XRRA1: variants seen among roughly 807,000 people sequenced by gnomAD.
XRRA1 encodes the protein X-ray radiation resistance-associated protein 1.
A neutral mutation model predicts 80.2 loss-of-function variants in XRRA1; 69 were observed. That is an observed-to-expected ratio of 0.86 (90% CI 0.71 to 1.05). The LOEUF (loss-of-function observed/expected upper bound fraction) is 1.05, where lower values mean the gene tolerates loss of function less well. Ranked by LOEUF, XRRA1 falls within the 50% of genes least tolerant of loss-of-function variation. The pLI, the probability that XRRA1 is intolerant of heterozygous loss-of-function variation, is 0.00. For missense variants in XRRA1, 967 were observed against 976.4 expected (o/e 0.99, Z 0.13); for synonymous variants, 348 against 389.9 (o/e 0.89, Z 1.27).
In XRRA1 at chr11:74,892,721, C is replaced by T. The variant is rs553312817; in HGVS notation, c.1003+13518G>A. 2.9e-3 allele frequency among the ~76,000 whole-genome samples: 435 copies of T among 152,216 alleles called. 1 individual carries two copies. Among genetic ancestry groups the T allele is most frequent in the African/African-American group, 0.01 (418 of 41,548 alleles). Reference sequence around the variant, plus strand: ...AACAAATTTACAAGAAAAAAACAAACAACCCCATCAAAAAGTGGGTGAAGG... The same window carrying T: ...AACAAATTTACAAGAAAAAAACAAATAACCCCATCAAAAAGTGGGTGAAGG... On this transcript the variant is annotated intron_variant, in intron 10 of 18. Transcript: ENST00000684022.
At position 74,845,379 on chromosome 11, in the gene XRRA1, C is replaced by T. The variant is rs144933187; in HGVS notation, c.1729-108G>A. ...GGTCTCTGCTGGGCCCTGTTAAGGG[C>T]AAGGGTAAGACCAAGACTGGGATGG... On this transcript the variant is annotated intron_variant, in intron 15 of 18. Coordinates refer to ENST00000684022, the MANE Select transcript of XRRA1 (RefSeq NM_001378157.1). 8.6e-5 allele frequency: 101 copies of T among 1,172,608 alleles called. No individual in the cohort carries two copies. The African/African-American group carries it at 1.5e-3, about 17-fold the overall frequency. The allele number at this position is 1,172,608 out of a possible 1,614,324, so 72.6% of individuals were successfully genotyped here. A position where few individuals can be genotyped will look rare whatever the true frequency, so the allele number is the denominator to read the frequency against.
At chr11:74,931,131 C>CGT (rs61614618) in intron 5 of XRRA1, among the ~76,000 whole-genome samples, 59,073 of 149,354 alleles carry the variant, frequency 0.4, 12,879 homozygotes, top group African/African-American at 0.57. Flanking sequence ...TATGCTTATA[C>CGT]GTGTGTGTGT....
intron 3 of XRRA1, among the ~76,000 whole-genome samples, chr11:74,938,762 TAC>T (rs1945651858): frequency 6.6e-6 from 1 of 152,162 alleles, no homozygotes; most frequent in Non-Finnish European, 1.5e-5. Flanking sequence ...GCTTTAACAC[TAC>T]AGCTTCAGCT....
Position 74,897,205 on chromosome 11 carries a change from C to G in XRRA1, c.1003+9034G>C, listed in dbSNP as rs554861314. ...AATTAAAAAGAATCAAGCAGAAATT[C>G]TAGAGCTGAAAAATGTAATTGATAT... On this transcript the variant is annotated intron_variant, in intron 10 of 18. Transcript: ENST00000684022. Among the ~76,000 whole-genome samples, 41 of 151,946 alleles carry G rather than the reference C, an allele frequency of 2.7e-4. 1 individual carries two copies. The highest frequency in any genetic ancestry group is 9.7e-4 in the African/African-American group (40 of 41,438).
rs1302549988 is a variant in XRRA1, at chr11:74,841,785, A to G, written c.*1415T>C. 6.6e-6 allele frequency: 1 copy of G among 152,228 alleles called. No homozygotes were observed. Among genetic ancestry groups the G allele is most frequent in the Non-Finnish European group, 1.5e-5 (1 of 68,050 alleles). 9.4% of individuals were successfully genotyped at this position (152,228 alleles called of 1,614,324 possible). A position where few individuals can be genotyped will look rare whatever the true frequency, so the allele number is the denominator to read the frequency against. On this transcript the variant is annotated 3_prime_UTR_variant, in exon 19 of 19. Transcript: ENST00000684022. Reference sequence around the variant, plus strand: ...CTCGCTCTTCAAATACCATAGTTCAAGAGTAGCTGTTGGCCCTGGTTCCAG... The same window carrying G: ...CTCGCTCTTCAAATACCATAGTTCAGGAGTAGCTGTTGGCCCTGGTTCCAG...
intron 6 of XRRA1, among the ~76,000 whole-genome samples, chr11:74,929,712 C>G (rs1040275430): frequency 1.1e-4 from 16 of 152,282 alleles, no homozygotes; most frequent in Non-Finnish European, 2.2e-4. Flanking sequence ...TTAGGTGCTC[C>G]TCTTCTCAGT....
chr11:74,860,586 T>C (rs2042113596), intron 11 of XRRA1, among the ~76,000 whole-genome samples: 1 of 152,224 alleles, frequency 6.6e-6, no homozygotes, highest in Admixed American at 6.5e-5. Context: ...GATTTTCAGA[T>C]GTCAGAGAGC....
intron 10 of XRRA1, among the ~76,000 whole-genome samples, chr11:74,885,529 A>T (rs886153301): frequency 6.6e-6 from 1 of 152,218 alleles, no homozygotes; most frequent in Non-Finnish European, 1.5e-5. Flanking sequence ...GAAGAAACTG[A>T]ATCCCTGAAT....
intron 12 of XRRA1, among the ~76,000 whole-genome samples, chr11:74,857,854 A>T (rs1346820449): frequency 6.6e-6 from 1 of 152,254 alleles, no homozygotes; most frequent in Non-Finnish European, 1.5e-5. Flanking sequence ...CTTATAAATA[A>T]CCTGTGGATC....
At chr11:74,855,936 C>T (rs2040983340) in intron 12 of XRRA1, among the ~76,000 whole-genome samples, 1 of 152,136 alleles carries the variant, frequency 6.6e-6, no homozygotes, top group African/African-American at 2.4e-5. Flanking sequence ...AGTTCAAGAC[C>T]AGCCTGGCCA....
At chr11:74,880,165 G>T (rs1231460464) in intron 10 of XRRA1, among the ~76,000 whole-genome samples, 1 of 152,178 alleles carries the variant, frequency 6.6e-6, no homozygotes. Context: ...TCTATTCAGA[G>T]ATTCAACTTC....
intron 11 of XRRA1, among the ~76,000 whole-genome samples, chr11:74,861,269 G>A (rs746594385): frequency 7.9e-5 from 12 of 152,180 alleles, no homozygotes; most frequent in South Asian, 2.1e-4. Flanking sequence ...TTGGGAACTG[G>A]GCCGCACAGC....
intron 10 of XRRA1, among the ~76,000 whole-genome samples, chr11:74,884,727 C>T (rs757677195): frequency 6.6e-5 from 10 of 152,228 alleles, no homozygotes; most frequent in Admixed American, 5.2e-4. Flanking sequence ...TAGGTATCAC[C>T]CTAGACAACA....
chr11:74,844,128 C>G, intron 17 of XRRA1, 40 bp downstream of exon 17: 1 of 1,583,474 alleles, frequency 6.3e-7, no homozygotes, highest in Non-Finnish European at 8.7e-7. Flanking sequence ...GTGGGCGGTA[C>G]TCAGGGGCCA....
At chr11:74,909,215 G>C (rs1226046408) in intron 8 of XRRA1, among the ~76,000 whole-genome samples, 2 of 152,172 alleles carry the variant, frequency 1.3e-5, no homozygotes, top group Admixed American at 6.6e-5. Flanking sequence ...GAAGTCCAAA[G>C]ACCAGAGACA....
At position 74,876,611 on chromosome 11, in the gene XRRA1, C is replaced by G. The variant is rs193172638; in HGVS notation, c.1004-13590G>C. 9 of 152,294 alleles carry G rather than the reference C, an allele frequency of 5.9e-5. No homozygotes were observed. The East Asian group carries it at 1.7e-3, about 29-fold the overall frequency. The allele number at this position is 152,294 out of a possible 1,614,324, so 9.4% of individuals were successfully genotyped here. A position where few individuals can be genotyped will look rare whatever the true frequency, so the allele number is the denominator to read the frequency against. ...AGCCCAAGTTAGGAAGGGCCCTACACTGTTCTTTCAACCCCTCAGCGATAA... is the reference window on the plus strand; with the variant it reads ...AGCCCAAGTTAGGAAGGGCCCTACAGTGTTCTTTCAACCCCTCAGCGATAA... On this transcript the variant is annotated intron_variant, in intron 10 of 18. Transcript: ENST00000684022.
intron 10 of XRRA1, among the ~76,000 whole-genome samples, chr11:74,880,841 T>G (rs996033497): frequency 3.1e-4 from 47 of 151,868 alleles, no homozygotes; most frequent in African/African-American, 1.0e-3. Flanking sequence ...TTGTTATAAT[T>G]TCTGTTCTTT....
chr11:74,897,714 A>G (rs917773187), intron 10 of XRRA1, among the ~76,000 whole-genome samples: 1 of 150,748 alleles, frequency 6.6e-6, no homozygotes, highest in Non-Finnish European at 1.5e-5. Context: ...GCTAAAAAAA[A>G]AAAAAAAAGA....
chr11:74,933,947 C>G, intron 4 of XRRA1, 75 bp from the exon 5 acceptor site: 1 of 1,306,850 alleles, frequency 7.7e-7, no homozygotes. Context: ...TCAGCCTTCT[C>G]TTGTTGGGCA....
Sources: allele counts gnomAD v4.1 joint callset (sites outside exome capture counted in the v4.1 genomes callset), GRCh38; gene constraint gnomAD v4.1.1; transcripts MANE v1.5; gene names NCBI Gene and HGNC (gene_info 2026-07-23, HGNC 2026-07-21).